Variants in KIAA1958 observed in about 807,000 individuals in gnomAD.
The protein encoded by KIAA1958 is uncharacterized protein KIAA1958.
In KIAA1958, 14 loss-of-function variants were observed where a neutral mutation model predicts 47.2. The ratio of observed to expected loss-of-function variants is 0.30; its 90% CI spans 0.20 to 0.46. The LOEUF is 0.46. Among genes scored for constraint, KIAA1958 ranks in the 20% least tolerant of loss-of-function variants. The pLI is 1.00. For synonymous variants in KIAA1958, 354 were observed against 353.3 expected (o/e 1.00, Z -0.02); for missense variants, 803 against 909.2 (o/e 0.88, Z 1.50).
At position 112,487,069 on chromosome 9, in the gene KIAA1958, C is replaced by T; in HGVS notation, c.-74C>T. 2 of 221,948 alleles carry T rather than the reference C, an allele frequency of 9.0e-6. No individual in the cohort carries two copies. Among genetic ancestry groups the T allele is most frequent in the South Asian group, 9.8e-5 (2 of 20,352 alleles). 13.7% of individuals were successfully genotyped at this position (221,948 alleles called of 1,614,324 possible). A position where few individuals can be genotyped will look rare whatever the true frequency, so the allele number is the denominator to read the frequency against. On this transcript the variant is annotated 5_prime_UTR_variant, in exon 1 of 4. Transcript: ENST00000337530. ...GCCCGGGCTGCCCGGCTCTCGCAGG[C>T]CCCCCCGCGCCGACCGCGTTCCTAT...
At chr9:112,631,612 G>A (rs1836709589) in intron 2 of KIAA1958, among the ~76,000 whole-genome samples, 1 of 149,850 alleles carries the variant, frequency 6.7e-6, no homozygotes, top group African/African-American at 2.5e-5. Flanking sequence ...AAAATGCTAA[G>A]GCAGTAAGTA....
intron 1 of KIAA1958, among the ~76,000 whole-genome samples, chr9:112,512,657 G>A (rs893585710): frequency 6.6e-6 from 1 of 151,470 alleles, no homozygotes; most frequent in East Asian, 1.9e-4. Flanking sequence ...TAGACTGAAC[G>A]GGGGAGACAT....
chr9:112,591,443 C>T (rs1835919147), intron 2 of KIAA1958, among the ~76,000 whole-genome samples: 2 of 151,830 alleles, frequency 1.3e-5, no homozygotes, highest in South Asian at 4.2e-4. Context: ...TATTGGAATT[C>T]ATATAAGAAA....
chr9:112,529,090 G>T (rs541815548), intron 1 of KIAA1958, among the ~76,000 whole-genome samples: 2 of 152,166 alleles, frequency 1.3e-5, no homozygotes, highest in Non-Finnish European at 2.9e-5. Flanking sequence ...CCAGGAGGTG[G>T]TCTAACAATG....
intron 2 of KIAA1958, among the ~76,000 whole-genome samples, chr9:112,596,411 A>G (rs936661381): frequency 6.6e-6 from 1 of 152,176 alleles, no homozygotes; most frequent in Admixed American, 6.5e-5. Context: ...CACTTTGTAT[A>G]CTGTTAGAAT....
chr9:112,604,881 G>T (rs1037007941), intron 2 of KIAA1958, among the ~76,000 whole-genome samples: 1 of 147,772 alleles, frequency 6.8e-6, no homozygotes, highest in Admixed American at 6.8e-5. Flanking sequence ...ACAGGGCGTG[G>T]ACACTATATA....
At chr9:112,498,830 A>G (rs1002012099) in intron 1 of KIAA1958, among the ~76,000 whole-genome samples, 2 of 152,182 alleles carry the variant, frequency 1.3e-5, no homozygotes, top group South Asian at 2.1e-4. Flanking sequence ...AGTACTGCAG[A>G]ATACCAGAGC....
intron 1 of KIAA1958, among the ~76,000 whole-genome samples, chr9:112,519,432 G>C (rs1291430357): frequency 3.3e-5 from 5 of 152,146 alleles, no homozygotes; most frequent in Admixed American, 3.3e-4. Flanking sequence ...TTACATGATG[G>C]TTATCACCAG....
chr9:112,531,837 G>A (rs989982115), intron 1 of KIAA1958, among the ~76,000 whole-genome samples: 5 of 152,194 alleles, frequency 3.3e-5, no homozygotes, highest in African/African-American at 4.8e-5. Context: ...AAAGTCCAAA[G>A]GTTAACGCTC....
chr9:112,611,423 A>G (rs1272274650), intron 2 of KIAA1958, among the ~76,000 whole-genome samples: 3 of 152,254 alleles, frequency 2.0e-5, no homozygotes, highest in East Asian at 3.9e-4. Flanking sequence ...GTAACCTTAT[A>G]TACAATTAAC....
intron 2 of KIAA1958, among the ~76,000 whole-genome samples, chr9:112,607,600 G>T (rs1283176497): frequency 2.0e-5 from 3 of 152,050 alleles, no homozygotes; most frequent in Admixed American, 6.6e-5. Context: ...GGTGAGACAA[G>T]GCAATGGGGA....
chr9:112,488,762 A>G (rs1302865454), intron 1 of KIAA1958, among the ~76,000 whole-genome samples: 3 of 152,218 alleles, frequency 2.0e-5, no homozygotes, highest in Non-Finnish European at 2.9e-5. Flanking sequence ...ACAGTGTACA[A>G]TTTAATGCAC....
chr9:112,617,151 C>T (rs1416330812), intron 2 of KIAA1958, among the ~76,000 whole-genome samples: 1 of 152,172 alleles, frequency 6.6e-6, no homozygotes, highest in African/African-American at 2.4e-5. Context: ...TGGAGACATA[C>T]CCCCTTTTTT....
At chr9:112,558,943 T>C (rs983514464) in intron 1 of KIAA1958, among the ~76,000 whole-genome samples, 6 of 152,194 alleles carry the variant, frequency 3.9e-5, no homozygotes, top group Non-Finnish European at 7.3e-5. Flanking sequence ...TATTAACTTA[T>C]TACCACATTT....
At position 112,494,415 on chromosome 9, in the gene KIAA1958, C is replaced by A. The variant is rs149127886; in HGVS notation, c.-25+7297C>A. ...TATTTTTTCTTATTTTTTATATTTG[C>A]TCTATTTTTATGTTTTTTTCTATTT... On this transcript the variant is annotated intron_variant, in intron 1 of 3. Transcript: ENST00000337530. Among the ~76,000 whole-genome samples, 28 of 150,192 alleles carry A rather than the reference C, an allele frequency of 1.9e-4. No homozygotes were observed. In the East Asian group the frequency reaches 4.3e-3, roughly 23 times the overall value.
intron 2 of KIAA1958, among the ~76,000 whole-genome samples, chr9:112,639,173 G>T (rs1349827620): frequency 6.6e-6 from 1 of 152,016 alleles, no homozygotes; most frequent in Admixed American, 6.6e-5. Context: ...TTGAAGTTTT[G>T]CCAGTTGCCC....
intron 2 of KIAA1958, among the ~76,000 whole-genome samples, chr9:112,635,435 A>T (rs1319613414): frequency 6.6e-6 from 1 of 152,062 alleles, no homozygotes; most frequent in African/African-American, 2.4e-5. Flanking sequence ...TAAGTTTTGT[A>T]GAGACAGAGT....
chr9:112,498,193 A>G (rs1041878660), intron 1 of KIAA1958, among the ~76,000 whole-genome samples: 1 of 152,174 alleles, frequency 6.6e-6, no homozygotes, highest in Non-Finnish European at 1.5e-5. Context: ...ACATTAGTGA[A>G]TTTACCATAT....
chr9:112,511,419 G>A (rs1834323610), intron 1 of KIAA1958, among the ~76,000 whole-genome samples: 2 of 152,236 alleles, frequency 1.3e-5, no homozygotes, highest in African/African-American at 2.4e-5. Flanking sequence ...TAAATTTGAT[G>A]TGAAAGCAGT....
Sources: allele counts gnomAD v4.1 joint callset (sites outside exome capture counted in the v4.1 genomes callset), GRCh38; gene constraint gnomAD v4.1.1; transcripts MANE v1.5; gene names NCBI Gene and HGNC (gene_info 2026-07-23, HGNC 2026-07-21).